CYTH3: variants seen among roughly 807,000 people sequenced by gnomAD.
The protein encoded by CYTH3 is cytohesin-3.
CYTH3 carries 23 observed loss-of-function variants against 55.1 expected under a neutral mutation model. The ratio of observed to expected loss-of-function variants is 0.42; its 90% confidence interval spans 0.30 to 0.59. CYTH3 has a LOEUF of 0.59. CYTH3 is among the 20% of genes least tolerant of loss of function. The pLI is 0.20. For synonymous variants in CYTH3, 249 were observed against 194.9 expected, an observed-to-expected ratio of 1.28 and a Z score of -2.31; for missense variants, 413 against 524.8, an observed-to-expected ratio of 0.79 and a Z score of 2.08.
intron 4 of CYTH3, among the ~76,000 whole-genome samples, chr7:6,178,175 A>G (rs1433668697): frequency 6.6e-6 from 1 of 152,232 alleles, no homozygotes; most frequent in Non-Finnish European, 1.5e-5. Flanking sequence ...AGACAGACAA[A>G]TGGGTTATTG....
rs752795367 is a variant in CYTH3, at chr7:6,187,056, G to A, written c.243C>T (p.Pro81=). 6.2e-7 allele frequency: 1 copy of A among 1,613,898 alleles called. No homozygotes were observed. The highest frequency in any genetic ancestry group is 1.1e-5 in the South Asian group (1 of 91,076). ...AMGRKKFNMD[P]KKGIQFLIEN... ...AGGGAGAGCATTCTCTTACCTTTTT[G>A]GGATCCATGTTGAATTTCTTTCTTC... The change falls in exon 4 of 13, where the codon CCC becomes CCT. Residue 81 remains proline, a synonymous_variant. Transcript: ENST00000350796.
In CYTH3 at chr7:6,164,778, C is replaced by T. The variant is rs909758242; in HGVS notation, c.*166G>A. On this transcript the variant is annotated 3_prime_UTR_variant, in exon 13 of 13. Coordinates refer to ENST00000350796, the MANE Select transcript of CYTH3 (RefSeq NM_004227.4). ...GGGCGACCACCTCCCAGGACCCCAG[C>T]CACGGCACGAGGCCTTGGGGATACC... 2 of 759,506 alleles carry T rather than the reference C, an allele frequency of 2.6e-6. No individual in the cohort carries two copies. Among genetic ancestry groups the T allele is most frequent in the Non-Finnish European group, 4.5e-6 (2 of 447,568 alleles). The allele number at this position is 759,506 out of a possible 1,614,324, so 47.0% of individuals were successfully genotyped here.
intron 1 of CYTH3, among the ~76,000 whole-genome samples, chr7:6,269,357 A>G (rs1046071629): frequency 6.6e-6 from 1 of 152,190 alleles, no homozygotes; most frequent in Non-Finnish European, 1.5e-5. Context: ...TGGGAGCTCA[A>G]TCTAGTCTTA....
chr7:6,224,322 A>G (rs1283338882), intron 1 of CYTH3, among the ~76,000 whole-genome samples: 2 of 152,136 alleles, frequency 1.3e-5, no homozygotes, highest in East Asian at 3.9e-4. Context: ...AGGTAAAAAA[A>G]AAAAAAAAAA....
intron 4 of CYTH3, 106 bp downstream of exon 4, chr7:6,186,944 G>A (rs1783669857): frequency 8.9e-7 from 1 of 1,126,842 alleles, no homozygotes. Flanking sequence ...AGTCTTTTAT[G>A]AGGTGACAGG....
chr7:6,256,823 A>C (rs1429445011), intron 1 of CYTH3, among the ~76,000 whole-genome samples: 10 of 152,258 alleles, frequency 6.6e-5, no homozygotes. Flanking sequence ...CACCACATCC[A>C]TGTGGACTCT....
At position 6,259,833 on chromosome 7, in the gene CYTH3, T is replaced by TATAATATATATATATATA. The variant is rs57061102; in HGVS notation, c.34+12640_34+12641insTATATATATATATATTAT. On this transcript the variant is annotated intron_variant, in intron 1 of 12. Transcript: ENST00000350796. ...TATATAATATATATATATATATATATTTTTTTTTTTTTTTAAGACGGATTT... is the reference window on the plus strand; with the variant it reads ...TATATAATATATATATATATATATATATAATATATATATATATATTTTTTTTTTTTTTAAGACGGATTT... Among the ~76,000 whole-genome samples, 11 of 15,608 alleles carry TATAATATATATATATATA rather than the reference T, an allele frequency of 7.0e-4. 2 individuals carry two copies. In the African/African-American group the frequency reaches 7.2e-3, roughly 10 times the overall value. The allele number at this position is 15,608 out of a possible 152,430, so 10.2% of individuals were successfully genotyped here.
rs141031226 is a variant in CYTH3 at position 6,204,565 on chromosome 7, T to G, written c.35-14034A>C. On this transcript the variant is annotated intron_variant, in intron 1 of 12. Transcript: ENST00000350796. ...CTCTAGATTCCTAGGAATTGAGAGT[T>G]CATTCCAGCACTGTGGCCTCCTGAT... 2.0e-4 allele frequency among the ~76,000 whole-genome samples: 30 copies of G among 152,304 alleles called. No homozygotes were observed. The East Asian group carries it at 5.6e-3, about 28-fold the overall frequency.
At chr7:6,214,097 C>A (rs1784378828) in intron 1 of CYTH3, among the ~76,000 whole-genome samples, 1 of 151,950 alleles carries the variant, frequency 6.6e-6, no homozygotes, top group African/African-American at 2.4e-5. Context: ...AAAACAGGTC[C>A]AAAAGTTAAA....
intron 1 of CYTH3, among the ~76,000 whole-genome samples, chr7:6,253,958 A>G (rs923099032): frequency 6.6e-6 from 1 of 150,442 alleles, no homozygotes; most frequent in Non-Finnish European, 1.5e-5. Context: ...ATGCCACTGC[A>G]CTCCAGCCTG....
Position 6,177,862 on chromosome 7 carries a change from C to T in CYTH3, c.329G>A (p.Gly110Asp). Reference sequence around the variant, plus strand: ...GTCCCCAATGACGGTCTTATTTAGGCCTTCTCCTTTATAAAGGAACTGGGC... The same window carrying T: ...GTCCCCAATGACGGTCTTATTTAGGTCTTCTCCTTTATAAAGGAACTGGGC... ...DVAQFLYKGE[G>D]LNKTVIGDYL... The change falls in exon 5 of 13, where the codon GGC becomes GAC. Residue 110 changes from glycine to aspartate, a missense_variant. By Grantham distance (94) the Gly-to-Asp change is moderately conservative. This residue lies in a region of CYTH3 where 152 missense variants were observed against 148.1 expected (regional missense o/e 1.03). Transcript: ENST00000350796. The T allele has an allele frequency of 6.2e-7, 1 of 1,614,156 alleles. No homozygotes were observed. Among genetic ancestry groups the T allele is most frequent in the Non-Finnish European group, 8.5e-7 (1 of 1,179,998 alleles).
At chr7:6,201,184 G>A (rs1784052181) in intron 1 of CYTH3, among the ~76,000 whole-genome samples, 1 of 152,210 alleles carries the variant, frequency 6.6e-6, no homozygotes, top group Non-Finnish European at 1.5e-5. Context: ...CGACAGTCGG[G>A]TGACCTCAGT....
intron 4 of CYTH3, among the ~76,000 whole-genome samples, chr7:6,185,942 G>A (rs182124152): frequency 4.0e-5 from 6 of 151,824 alleles, no homozygotes; most frequent in East Asian, 1.9e-4. Flanking sequence ...CAAGGGGAAC[G>A]TTAGAAGTAC....
Position 6,170,301 on chromosome 7 carries a change from G to T in CYTH3, c.823+234C>A, listed in dbSNP as rs113626113. 548 of 522,554 alleles carry T rather than the reference G, an allele frequency of 1.0e-3. 9 individuals are homozygous for T. The highest frequency in any genetic ancestry group is 8.3e-3 in the African/African-American group (429 of 51,988). The allele number at this position is 522,554 out of a possible 1,614,324, so 32.4% of individuals were successfully genotyped here. A position where few individuals can be genotyped will look rare whatever the true frequency, so the allele number is the denominator to read the frequency against. ...TGCTAACTCAGCAGTTTTCTGGGAC[G>T]GGCCGTGCAGCCTGGGCGCTACTCT... On this transcript the variant is annotated intron_variant, in intron 9 of 12. Coordinates refer to ENST00000350796, the MANE Select transcript of CYTH3 (RefSeq NM_004227.4). This position sits in a 1 kb window ranked among gnomAD's most constrained non-coding sequence, Gnocchi z 7.8.
At chr7:6,208,758 C>A (rs1356788419) in intron 1 of CYTH3, among the ~76,000 whole-genome samples, 3 of 152,192 alleles carry the variant, frequency 2.0e-5, no homozygotes, top group Non-Finnish European at 4.4e-5. Flanking sequence ...CCAGGCTGGT[C>A]TGAAGCGATC....
At chr7:6,212,615 T>A (rs955347930) in intron 1 of CYTH3, 5 of 151,126 alleles carry the variant, frequency 3.3e-5, no homozygotes, top group Non-Finnish European at 7.4e-5. Context: ...TTTCCTTTTT[T>A]AAAAACATTT....
At chr7:6,185,699 CAAA>C (rs34943703) in intron 4 of CYTH3, among the ~76,000 whole-genome samples, 1 of 127,468 alleles carries the variant, frequency 7.8e-6, no homozygotes. Context: ...GACTCTGTCT[CAAA>C]AAAAAAAAAA....
chr7:6,236,122 G>A (rs569775858), intron 1 of CYTH3, among the ~76,000 whole-genome samples: 1 of 152,078 alleles, frequency 6.6e-6, no homozygotes, highest in Non-Finnish European at 1.5e-5. Context: ...AGACAGCTGC[G>A]GAATCTTAAA....
Position 6,165,631 on chromosome 7 carries a change from T to C in CYTH3, c.901-15A>G. 6.2e-7 allele frequency: 1 copy of C among 1,613,598 alleles called. No homozygotes were observed. ...GGCTCCTTATCCTACAAGAGGAAAG[T>C]ACACGGCGGGGCTCACTGTGGGTCA... On this transcript the variant is annotated splice_polypyrimidine_tract_variant and intron_variant, in intron 10 of 12. Transcript: ENST00000350796.
Sources: allele counts gnomAD v4.1 joint callset (sites outside exome capture counted in the v4.1 genomes callset), GRCh38; gene constraint gnomAD v4.1.1; regional missense constraint gnomAD v4.1.1; non-coding constraint Gnocchi (gnomAD v3.1); transcripts MANE v1.5; gene names NCBI Gene and HGNC (gene_info 2026-07-23, HGNC 2026-07-21).